Variants in DSC3 observed in about 807,000 individuals in gnomAD.
DSC3 encodes desmocollin-3.
Under a neutral mutation model 89.5 loss-of-function variants are expected in DSC3, and 97 were observed. That is an observed-to-expected ratio of 1.08 (90% confidence interval 0.92 to 1.28). The LOEUF (loss-of-function observed/expected upper bound fraction) is 1.28, where lower values mean the gene tolerates loss of function less well. Ranked by LOEUF, DSC3 falls within the 50% of genes most tolerant of loss-of-function variation. The pLI is 0.00. For missense variants in DSC3, 1,199 were observed against 1,085.3 expected (o/e 1.10, Z -1.47); for synonymous variants, 436 against 384.1 (o/e 1.14, Z -1.58).
At chr18:31,015,313 G>A (rs1268236280) in intron 9 of DSC3, among the ~76,000 whole-genome samples, 2 of 152,096 alleles carry the variant, frequency 1.3e-5, no homozygotes, top group African/African-American at 4.8e-5. Flanking sequence ...ACTCAGAAAT[G>A]AAACAAATGC....
At chr18:31,007,241 T>A in intron 11 of DSC3, 110 bp from the exon 12 acceptor site, 2 of 726,984 alleles carry the variant, frequency 2.8e-6, no homozygotes. Context: ...AATAAACTGA[T>A]TATTAAAGGA....
rs1172621247 is a variant in DSC3 at position 31,018,188 on chromosome 18, A to G, written c.1146T>C (p.Asp382=). ...EILRIPIEDK[D]LINTANWRVN... The stretch of plus-strand genomic sequence containing the variant: ...CTCTCCAATTGGCAGTGTTAATTAA[A>G]TCCTTATCTTCTATAGGTATTCGTA... The change falls in exon 9 of 16, where the codon GAT becomes GAC. Residue 382 remains aspartate, a synonymous_variant. Coordinates refer to ENST00000360428, the MANE Select transcript of DSC3 (RefSeq NM_001941.5). The G allele has an allele frequency of 9.9e-6, 16 of 1,612,650 alleles. No individual in the cohort carries two copies. The highest frequency in any genetic ancestry group is 1.3e-5 in the Non-Finnish European group (15 of 1,179,208).
intron 1 of DSC3, among the ~76,000 whole-genome samples, chr18:31,041,670 C>A (rs1298234526): frequency 6.6e-6 from 1 of 152,210 alleles, no homozygotes; most frequent in Non-Finnish European, 1.5e-5. Context: ...CCTGAAGCTT[C>A]GCGTGTAACC....
chr18:31,008,137 AG>A lies in DSC3; in HGVS notation c.1541del (p.Pro514LeufsTer15), dbSNP rs773883320. ...NGLRYKKLHD[P>X]KGWITIDEIS... is the part of the protein sequence containing the mutation. ...TTTCATCAATGGTGATCCAACCTTT[AG>A]GATCATGCAATTTTTTGTACCTGTT... On this transcript the variant is annotated frameshift_variant, in exon 11 of 16. Transcript: ENST00000360428. LOFTEE classifies it high-confidence loss of function. 149 of 1,611,990 alleles carry A rather than the reference AG, an allele frequency of 9.2e-5. No homozygotes were observed. Among genetic ancestry groups the A allele is most frequent in the Non-Finnish European group, 1.2e-4 (142 of 1,178,860 alleles).
intron 12 of DSC3, among the ~76,000 whole-genome samples, chr18:31,004,875 G>T (rs779411244): frequency 1.7e-4 from 26 of 152,064 alleles, no homozygotes; most frequent in Non-Finnish European, 3.2e-4. Context: ...TGTCACTCAG[G>T]CTACTTATAA....
intron 12 of DSC3, among the ~76,000 whole-genome samples, chr18:31,006,552 G>A (rs1392401518): frequency 6.6e-6 from 1 of 151,966 alleles, no homozygotes; most frequent in East Asian, 1.9e-4. Flanking sequence ...CACCCACCTA[G>A]GCCTCCCAAA....
At chr18:31,018,329 T>C in intron 8 of DSC3, 73 bp from the exon 9 acceptor site, 4 of 1,155,262 alleles carry the variant, frequency 3.5e-6, no homozygotes. Flanking sequence ...TTTCTTCCAT[T>C]CCAAAAATAC....
At position 31,025,874 on chromosome 18, in the gene DSC3, T is replaced by C. The variant is rs753489657; in HGVS notation, c.516A>G (p.Ser172=). The C allele has an allele frequency of 1.2e-6, 2 of 1,612,962 alleles. No homozygotes were observed. The highest frequency in any genetic ancestry group is 1.7e-6 in the Non-Finnish European group (2 of 1,179,340). The change falls in exon 5 of 16, where the codon TCA becomes TCG. Residue 172 remains serine (S), a synonymous_variant. Coordinates refer to ENST00000360428, the MANE Select transcript of DSC3 (RefSeq NM_001941.5). ...CTTTATCAACTCCACGTCCACTTAT[T>C]GAGTAGAAGACAGTATAGTTCTGTG... ...DAAQNYTVFY[S]ISGRGVDKEP...
chr18:30,991,706 T>C lies in DSC3; in HGVS notation c.*2469A>G, dbSNP rs1401664485. ...GGATACAGCAGGAAATTTCAGCAAC[T>C]AGGCTTACAGAGAATTCCATTCTCA... is the stretch of plus-strand genomic sequence containing the variant. On this transcript the variant is annotated 3_prime_UTR_variant, in exon 16 of 16. Coordinates refer to ENST00000360428, the MANE Select transcript of DSC3 (RefSeq NM_001941.5). 6.6e-6 allele frequency: 1 copy of C among 152,190 alleles called. No individual in the cohort carries two copies. The highest frequency in any genetic ancestry group is 1.5e-5 in the Non-Finnish European group (1 of 68,042). The allele number at this position is 152,190 out of a possible 1,614,324, so 9.4% of individuals were successfully genotyped here.
In DSC3 at chr18:31,024,331, T is replaced by C. The variant is rs758767393; in HGVS notation, c.775+18A>G. On this transcript the variant is annotated intron_variant, in intron 6 of 15. Transcript: ENST00000360428. ...ACATATTTAAAATGATTCTTTTTAT[T>C]CTTAAAAGCAGACTTACCAGGTCTA... 1.9e-6 allele frequency: 3 copies of C among 1,556,570 alleles called. No homozygotes were observed. Among genetic ancestry groups the C allele is most frequent in the Non-Finnish European group, 2.6e-6 (3 of 1,151,344 alleles).
Position 31,035,806 on chromosome 18 carries a change from C to G in DSC3, c.70-3530G>C, listed in dbSNP as rs144749664. Among the ~76,000 whole-genome samples, 191 of 152,226 alleles carry G rather than the reference C, an allele frequency of 1.3e-3. 2 individuals are homozygous for G. Among genetic ancestry groups the G allele is most frequent in the African/African-American group, 4.3e-3 (178 of 41,576 alleles). On this transcript the variant is annotated intron_variant, in intron 1 of 15. Coordinates refer to ENST00000360428, the MANE Select transcript of DSC3 (RefSeq NM_001941.5). ...CTTATGCTCTATTATATTTCCAACT[C>G]TTCTCCAGGGAATAGAGTTTTCAGA...
intron 9 of DSC3, 28 bp downstream of exon 9, chr18:31,018,043 C>T: frequency 6.3e-7 from 1 of 1,587,308 alleles, no homozygotes. Context: ...TGTTAATTTG[C>T]TAAGTTGTCA....
intron 7 of DSC3, among the ~76,000 whole-genome samples, chr18:31,019,816 G>A (rs1287334083): frequency 6.6e-6 from 1 of 152,016 alleles, no homozygotes; most frequent in African/African-American, 2.4e-5. Flanking sequence ...AAATAAATAG[G>A]GCAAGTGTCC....
At chr18:31,032,587 T>TGC (rs776239878) in intron 1 of DSC3, among the ~76,000 whole-genome samples, 13 of 108,322 alleles carry the variant, frequency 1.2e-4, no homozygotes, top group African/African-American at 5.0e-4. Context: ...TGTGTGTGTG[T>TGC]GTGCGTGTGC....
At position 31,032,261 on chromosome 18, in the gene DSC3, C is replaced by A. The variant is rs369729390; in HGVS notation, c.85G>T (p.Gly29Cys). Reference sequence around the variant, plus strand: ...AGTATCACCTTTTTGCAGGCTTCACCAGCACGACTGAAGATCTAGAATTTA... The same window carrying A: ...AGTATCACCTTTTTGCAGGCTTCACAAGCACGACTGAAGATCTAGAATTTA... ...LLTLVIFSRA[G>C]EACKKVILNV... The change falls in exon 2 of 16, where the codon GGT becomes TGT. Residue 29 changes from glycine (G) to cysteine (C), a missense_variant. Transcript: ENST00000360428. The A allele has an allele frequency of 3.1e-6, 5 of 1,612,688 alleles. No individual in the cohort carries two copies. The African/African-American group carries it at 6.7e-5, about 22-fold the overall frequency.
intron 9 of DSC3, among the ~76,000 whole-genome samples, chr18:31,014,219 TCCATACCATA>T (rs1170274871): frequency 6.6e-6 from 1 of 151,982 alleles, no homozygotes; most frequent in Non-Finnish European, 1.5e-5. Context: ...ATATGGTATG[TCCATACCATA>T]CCATGAAATA....
rs1444887645 is a variant in DSC3 at position 31,042,596 on chromosome 18, A to G, written c.65T>C (p.Leu22Pro). The G allele has an allele frequency of 6.5e-7, 1 of 1,550,382 alleles. No individual in the cohort carries two copies. The highest frequency in any genetic ancestry group is 8.7e-7 in the Non-Finnish European group (1 of 1,146,880). The change falls in exon 1 of 16, where the codon CTC (leucine) becomes CCC (proline). Residue 22 changes from leucine to proline, a missense_variant. Transcript: ENST00000360428. ...GAVCLHLLLTLVIFSRAGEAC... is the reference protein window; with the variant it reads ...GAVCLHLLLTPVIFSRAGEAC... ...ATCCGGCGAGATCTGGCTTACCACG[A>G]GGGTCAGCAGCAGATGCAGGCAGAC...
At chr18:30,995,910 T>G (rs926687850) in intron 15 of DSC3, among the ~76,000 whole-genome samples, 19 of 136,038 alleles carry the variant, frequency 1.4e-4, no homozygotes, top group African/African-American at 5.3e-4. Flanking sequence ...AGGTCAAGGC[T>G]GCAGTGAGTG....
intron 13 of DSC3, among the ~76,000 whole-genome samples, 178 bp from the exon 14 acceptor site, chr18:31,001,917 A>C (rs1326527971): frequency 2.0e-5 from 3 of 152,202 alleles, no homozygotes; most frequent in Admixed American, 2.0e-4. Flanking sequence ...AGGTTTTAGA[A>C]TCAGAAGCAA....
Sources: gnomAD v4.1 joint callset for allele counts (sites outside exome capture counted in the v4.1 genomes callset) on GRCh38, gnomAD v4.1.1 for gene constraint, MANE v1.5 for transcripts, NCBI Gene and HGNC (gene_info 2026-07-23, HGNC 2026-07-21) for gene names.